DNAH10: variants seen among roughly 807,000 people sequenced by gnomAD.
The protein encoded by DNAH10 is dynein axonemal heavy chain 10, also known as axonemal beta dynein heavy chain 10.
DNAH10 carries 348 observed loss-of-function variants against 506.6 expected under a neutral mutation model. The ratio of observed to expected loss-of-function variants is 0.69; its 90% confidence interval spans 0.63 to 0.75. DNAH10 has a LOEUF of 0.75. DNAH10 is among the 30% of genes least tolerant of loss of function. The pLI, the probability that DNAH10 is intolerant of heterozygous loss-of-function variation, is 0.00. For missense variants in DNAH10, 5,179 were observed against 5,787.1 expected (o/e 0.89, Z 3.41); for synonymous variants, 2,059 against 2,198.6 (o/e 0.94, Z 1.78).
At chr12:123,840,236 T>C (rs1210318476) in intron 29 of DNAH10, among the ~76,000 whole-genome samples, 1 of 152,046 alleles carries the variant, frequency 6.6e-6, no homozygotes, top group Admixed American at 6.6e-5. Context: ...GCACGGTAAT[T>C]CCTCCATTCC....
Position 123,762,317 on chromosome 12 carries a change from C to G in DNAH10, c.-20C>G. ...CGGACGCCCGCCCTGCGCCCGGCTC[C>G]CTCTGCACTGCGCGGCGCCATGGAC... On this transcript the variant is annotated 5_prime_UTR_variant, in exon 1 of 79. Coordinates refer to ENST00000673944, the MANE Select transcript of DNAH10 (RefSeq NM_001372106.1). This position sits in a 1 kb window ranked among gnomAD's most constrained non-coding sequence, Gnocchi z 5.0. 1.5e-6 allele frequency: 2 copies of G among 1,299,342 alleles called. No homozygotes were observed. Among genetic ancestry groups the G allele is most frequent in the Non-Finnish European group, 2.0e-6 (2 of 1,022,014 alleles). The allele number at this position is 1,299,342 out of a possible 1,614,324, so 80.5% of individuals were successfully genotyped here. A position where few individuals can be genotyped will look rare whatever the true frequency, so the allele number is the denominator to read the frequency against.
chr12:123,887,619 G>A (rs149618329), intron 52 of DNAH10, among the ~76,000 whole-genome samples: 6 of 152,226 alleles, frequency 3.9e-5, no homozygotes, highest in African/African-American at 9.6e-5. Flanking sequence ...ATACATTCCC[G>A]TCTCCACAAA....
intron 57 of DNAH10, among the ~76,000 whole-genome samples, chr12:123,908,056 C>T (rs186943561): frequency 6.1e-4 from 93 of 152,084 alleles, no homozygotes; most frequent in Middle Eastern, 3.4e-3. Flanking sequence ...AGGTTGCTGT[C>T]TGCTCAGGCT....
chr12:123,829,521 C>T lies in DNAH10; in HGVS notation c.4392-1025C>T, dbSNP rs934084234. Among the ~76,000 whole-genome samples the T allele has an allele frequency of 7.9e-5, 12 of 152,218 alleles. No homozygotes were observed. In the South Asian group the frequency reaches 2.1e-3, roughly 26 times the overall value. On this transcript the variant is annotated intron_variant, in intron 25 of 78. Coordinates refer to ENST00000673944, the MANE Select transcript of DNAH10 (RefSeq NM_001372106.1). ...TAAGTTTCAGCGTTCAGTGGTGAGA[C>T]CTTCAGCTTCATGGGAAAAGGGGGA...
intron 41 of DNAH10, among the ~76,000 whole-genome samples, chr12:123,866,610 A>T (rs953062183): frequency 4.7e-4 from 71 of 152,208 alleles, no homozygotes; most frequent in African/African-American, 1.5e-3. Context: ...GTTGGTCTAG[A>T]CCAGAGGTTG....
intron 18 of DNAH10, 136 bp downstream of exon 18, chr12:123,805,176 A>T (rs1361913038): frequency 1.1e-6 from 1 of 878,642 alleles, no homozygotes; most frequent in Non-Finnish European, 1.7e-6. Flanking sequence ...GCAGAAGGGC[A>T]CTCACAGAAT....
chr12:123,803,683 T>C lies in DNAH10; in HGVS notation c.2637T>C (p.Gly879=). The change falls in exon 17 of 79, where the codon GGT becomes GGC. Residue 879 remains glycine (G), a synonymous_variant. Coordinates refer to ENST00000673944, the MANE Select transcript of DNAH10 (RefSeq NM_001372106.1). ...AAGGTATCGGTGACTATATAACTGG[T>C]TGCAAACAGGCCATTGGGAAATTTG... is the stretch of plus-strand genomic sequence containing the variant. ...NSLGIGDYIT[G]CKQAIGKFES... The C allele has an allele frequency of 6.2e-7, 1 of 1,604,306 alleles. No homozygotes were observed. Among genetic ancestry groups the C allele is most frequent in the Non-Finnish European group, 8.5e-7 (1 of 1,177,674 alleles).
In DNAH10 at chr12:123,923,947, A is replaced by G. The variant is rs1040435065; in HGVS notation, c.11611+80A>G. On this transcript the variant is annotated intron_variant, in intron 66 of 78. Coordinates refer to ENST00000673944, the MANE Select transcript of DNAH10 (RefSeq NM_001372106.1). ...TATATAAGTTTGTCTGTTGAAACAAACAATAACAAAAATTCTCCTTAAAAC... is the reference window on the plus strand; with the variant it reads ...TATATAAGTTTGTCTGTTGAAACAAGCAATAACAAAAATTCTCCTTAAAAC... 3 of 1,097,622 alleles carry G rather than the reference A, an allele frequency of 2.7e-6. No homozygotes were observed. The African/African-American group carries it at 4.8e-5, about 18-fold the overall frequency. 68.0% of individuals were successfully genotyped at this position (1,097,622 alleles called of 1,614,324 possible). A position where few individuals can be genotyped will look rare whatever the true frequency, so the allele number is the denominator to read the frequency against.
At chr12:123,918,987 T>G in intron 65 of DNAH10, 38 bp downstream of exon 65, 2 of 1,525,694 alleles carry the variant, frequency 1.3e-6, no homozygotes, top group Non-Finnish European at 1.8e-6. Context: ...GTTAGTGTAG[T>G]TTGGTGTGCC....
chr12:123,826,369 G>A (rs571162707), intron 24 of DNAH10, among the ~76,000 whole-genome samples: 140 of 152,192 alleles, frequency 9.2e-4, no homozygotes, highest in Non-Finnish European at 1.4e-3. Context: ...TAAGACCCAC[G>A]CAACTCCCTG....
chr12:123,809,015 A>C, intron 19 of DNAH10, 62 bp downstream of exon 19: 1 of 1,592,116 alleles, frequency 6.3e-7, no homozygotes, highest in Non-Finnish European at 8.6e-7. Context: ...CCGCCTCCCA[A>C]AGTGCTGGGA....
intron 15 of DNAH10, 126 bp downstream of exon 15, chr12:123,800,514 TTACCACA>T: frequency 1.1e-6 from 1 of 944,820 alleles, no homozygotes; most frequent in Non-Finnish European, 1.5e-6. Context: ...TTATGAATTC[TTACCACA>T]TTAGAAATTG....
intron 36 of DNAH10, among the ~76,000 whole-genome samples, chr12:123,854,249 C>G (rs1273016670): frequency 1.3e-5 from 2 of 152,040 alleles, no homozygotes; most frequent in South Asian, 2.1e-4. Context: ...TCCCCTGCTC[C>G]TCTATGTCCA....
chr12:123,889,087 C>T (rs145049221), intron 52 of DNAH10, among the ~76,000 whole-genome samples: 1,549 of 152,292 alleles, frequency 0.01, 36 homozygotes, highest in African/African-American at 0.035. Context: ...GCCGGCATGC[C>T]ATCTAGATCC....
chr12:123,805,204 G>C (rs1456443920), intron 18 of DNAH10, among the ~76,000 whole-genome samples, 164 bp downstream of exon 18: 1 of 152,116 alleles, frequency 6.6e-6, no homozygotes, highest in Admixed American at 6.6e-5. Flanking sequence ...TGACCTTCAT[G>C]ATCTTGTTAG....
At chr12:123,774,365 T>A in intron 5 of DNAH10, 101 bp downstream of exon 5, 1 of 899,212 alleles carries the variant, frequency 1.1e-6, no homozygotes, top group Non-Finnish European at 1.7e-6. Flanking sequence ...CTGTCTCAGG[T>A]GCTGTTATGG....
At position 123,819,136 on chromosome 12, in the gene DNAH10, C is replaced by T. The variant is rs1251737277; in HGVS notation, c.3898-12C>T. 8 of 1,611,054 alleles carry T rather than the reference C, an allele frequency of 5.0e-6. No individual in the cohort carries two copies. Among genetic ancestry groups the T allele is most frequent in the East Asian group, 2.2e-5 (1 of 44,830 alleles). The stretch of plus-strand genomic sequence containing the variant: ...TATTTGGGCTAAATTAATGTAACCT[C>T]GTTTTTCTCAGCTTACTCGAGGCGA... On this transcript the variant is annotated splice_polypyrimidine_tract_variant and intron_variant, in intron 22 of 78. Transcript: ENST00000673944.
Position 123,903,162 on chromosome 12 carries a change from C to G in DNAH10, c.9815+49C>G. On this transcript the variant is annotated intron_variant, in intron 57 of 78. Transcript: ENST00000673944. The surrounding 1 kb of genome is among the most constrained non-coding windows in gnomAD (Gnocchi z 4.6). ...TGGGCTTCCATTCCACCTCTGCAAG[C>G]CAGTAGTCTCCATGATCGTGGCAAC... 3 of 1,540,532 alleles carry G rather than the reference C, an allele frequency of 1.9e-6. No individual in the cohort carries two copies. Among genetic ancestry groups the G allele is most frequent in the Non-Finnish European group, 2.6e-6 (3 of 1,143,876 alleles).
Position 123,935,384 on chromosome 12 carries a change from T to A in DNAH10, c.13673T>A (p.Met4558Lys), listed in dbSNP as rs754327881. ...ACCACCTCCATGAGAAGGAACGCCATGGGAGTCGGCTTGGTTTTTGAAGCT... is the reference window on the plus strand; with the variant it reads ...ACCACCTCCATGAGAAGGAACGCCAAGGGAGTCGGCTTGGTTTTTGAAGCT... ...VYTTSMRRNA[M>K]GVGLVFEADL... The change falls in exon 79 of 79, where the codon ATG (methionine) becomes AAG (lysine). Residue 4558 changes from methionine (M) to lysine (K), a missense_variant. Met to Lys is a moderately conservative substitution (Grantham distance 95, BLOSUM62 -1). Around this residue, in one of 3 missense-constraint regions of DNAH10, gnomAD observed 4,844 missense variants for 5,430.5 expected, o/e 0.89. Coordinates refer to ENST00000673944, the MANE Select transcript of DNAH10 (RefSeq NM_001372106.1). The A allele has an allele frequency of 6.2e-7, 1 of 1,611,936 alleles. No homozygotes were observed. Among genetic ancestry groups the A allele is most frequent in the East Asian group, 2.2e-5 (1 of 44,828 alleles).
Sources: gnomAD v4.1 joint callset for allele counts (sites outside exome capture counted in the v4.1 genomes callset) on GRCh38, gnomAD v4.1.1 for gene constraint, gnomAD v4.1.1 regional missense constraint, Gnocchi (gnomAD v3.1) non-coding constraint, MANE v1.5 for transcripts, NCBI Gene and HGNC (gene_info 2026-07-23, HGNC 2026-07-21) for gene names.